Variants in CDKL5 observed in about 807,000 individuals in gnomAD.
CDKL5 encodes the protein cyclin dependent kinase like 5.
Under a neutral mutation model 61.7 loss-of-function variants are expected in CDKL5, and 8 were observed. The ratio of observed to expected loss-of-function variants is 0.13; its 90% CI spans 0.08 to 0.23. The LOEUF (loss-of-function observed/expected upper bound fraction) is 0.23. CDKL5 is among the 10% of genes least tolerant of loss of function. CDKL5 has a pLI of 1.00. For synonymous variants in CDKL5, 275 were observed against 272.3 expected (o/e 1.01, Z -0.10); for missense variants, 440 against 734.5 (o/e 0.60, Z 4.63).
chrX:18,650,216 G>A, intron 20 of CDKL5: 1 of 484,770 alleles, frequency 2.1e-6, no homozygotes. Flanking sequence ...GCCTGGGAGG[G>A]CCTGTCCAGG....
intron 15 of CDKL5, among the ~76,000 whole-genome samples, chrX:18,614,053 C>T (rs1926645006): frequency 9.0e-6 from 1 of 111,535 alleles, no homozygotes; most frequent in South Asian, 3.8e-4. Context: ...AGGTTCTCTA[C>T]CAAGAGCATA....
Position 18,519,256 on chromosome X carries a change from T to G in CDKL5, c.99+8402T>G, listed in dbSNP as rs1366932357. 2.7e-5 allele frequency among the ~76,000 whole-genome samples: 3 copies of G among 112,255 alleles called. No homozygotes were observed. The Admixed American group carries it at 2.8e-4, about 11-fold the overall frequency. ...TTTAAGTATTTTTTGTGCATGCTTT[T>G]GCAATACAATGACGGTTGAGTAGTT... On this transcript the variant is annotated intron_variant, in intron 3 of 17. Coordinates refer to ENST00000623535, the MANE Select transcript of CDKL5 (RefSeq NM_001323289.2).
downstream of CDKL5, chrX:18,641,765 G>A: frequency 5.0e-6 from 2 of 401,615 alleles, no homozygotes; most frequent in South Asian, 3.9e-5. Flanking sequence ...AAGAAAATTC[G>A]TTTCGGGGAC....
chrX:18,632,636 C>A lies in CDKL5; in HGVS notation c.*3879C>A, dbSNP rs1026690445. The A allele has an allele frequency of 4.0e-6, 3 of 752,847 alleles. No homozygotes were observed. The South Asian group carries it at 2.0e-4, about 51-fold the overall frequency. The allele number at this position is 752,847 out of a possible 1,213,427, so 62.0% of individuals were successfully genotyped here. A position where few individuals can be genotyped will look rare whatever the true frequency, so the allele number is the denominator to read the frequency against. ...TTGGTTAAATCTGTTTTAAAACATG[C>A]TTTAAGATTCACCTTACGCAGTTGT... On this transcript the variant is annotated 3_prime_UTR_variant, in exon 18 of 18. Transcript: ENST00000623535.
At chrX:18,651,262 T>TGTGA in intron 21 of CDKL5, among the ~76,000 whole-genome samples, 1 of 77,740 alleles carries the variant, frequency 1.3e-5, no homozygotes, top group South Asian at 6.5e-4. Context: ...TGTGTGTGTG[T>TGTGA]GTGAGAGAGA....
At chrX:18,600,075 G>A (rs1926130984) in intron 11 of CDKL5, among the ~76,000 whole-genome samples, 1 of 112,043 alleles carries the variant, frequency 8.9e-6, no homozygotes, top group Non-Finnish European at 1.9e-5. Flanking sequence ...TGGGACTACA[G>A]GGGTGAGCCA....
intron 1 of CDKL5, among the ~76,000 whole-genome samples, chrX:18,491,304 T>C (rs988666519): frequency 5.4e-5 from 6 of 112,076 alleles, no homozygotes; most frequent in Non-Finnish European, 7.5e-5. Flanking sequence ...TAGAATTAAA[T>C]TGTGGGACTT....
In CDKL5 at chrX:18,634,226, C is replaced by G; in HGVS notation, c.*5469C>G. The G allele has an allele frequency of 1.3e-6, 1 of 752,576 alleles. No individual in the cohort carries two copies. The highest frequency in any genetic ancestry group is 1.6e-6 in the Non-Finnish European group (1 of 637,861). The allele number at this position is 752,576 out of a possible 1,213,427, so 62.0% of individuals were successfully genotyped here. On this transcript the variant is annotated 3_prime_UTR_variant, in exon 18 of 18. Coordinates refer to ENST00000623535, the MANE Select transcript of CDKL5 (RefSeq NM_001323289.2). ...AAAGAGGCCTTATCTGTTCCTCCAT[C>G]CCCCCTGTTTTGACAGACTGCTAAG...
chrX:18,617,535 T>C (rs1330240137), intron 15 of CDKL5, among the ~76,000 whole-genome samples: 1 of 112,353 alleles, frequency 8.9e-6, no homozygotes, highest in Non-Finnish European at 1.9e-5. Flanking sequence ...CATTCCTTTA[T>C]ACAACACAGC....
chrX:18,573,687 G>C (rs1349663228), intron 4 of CDKL5, among the ~76,000 whole-genome samples: 1 of 112,197 alleles, frequency 8.9e-6, no homozygotes, highest in Non-Finnish European at 1.9e-5. Context: ...CCTACTGCTG[G>C]TTCTTGTCTT....
At chrX:18,434,420 C>G (rs143306516) in intron 1 of CDKL5, among the ~76,000 whole-genome samples, 85 of 111,383 alleles carry the variant, frequency 7.6e-4, no homozygotes, top group African/African-American at 2.7e-3. Context: ...ACACACGGCA[C>G]TGGTCTGATA....
chrX:18,441,865 T>G (rs1931753825), intron 1 of CDKL5, among the ~76,000 whole-genome samples: 1 of 110,637 alleles, frequency 9.0e-6, no homozygotes, highest in Non-Finnish European at 1.9e-5. Flanking sequence ...TGCTTGGAGG[T>G]GGGGAGGGGT....
intron 10 of CDKL5, among the ~76,000 whole-genome samples, chrX:18,598,082 G>A (rs1211754075): frequency 9.0e-6 from 1 of 111,540 alleles, no homozygotes; most frequent in Non-Finnish European, 1.9e-5. Context: ...GTATCTGGGG[G>A]ATAAGAGAAA....
intron 1 of CDKL5, among the ~76,000 whole-genome samples, chrX:18,435,987 A>AC (rs1010916205): frequency 8.2e-5 from 9 of 109,760 alleles, no homozygotes; most frequent in Admixed American, 4.9e-4. Flanking sequence ...ATAACTTTTG[A>AC]CCCCCCCAAA....
chrX:18,574,389 T>C (rs1925228635), intron 4 of CDKL5, among the ~76,000 whole-genome samples: 1 of 111,913 alleles, frequency 8.9e-6, no homozygotes, highest in African/African-American at 3.2e-5. Context: ...TTTCAGTTTT[T>C]AGACTGTGTT....
intron 1 of CDKL5, among the ~76,000 whole-genome samples, chrX:18,444,241 A>G (rs1246128340): frequency 2.7e-5 from 3 of 110,162 alleles, no homozygotes; most frequent in Non-Finnish European, 5.7e-5. Flanking sequence ...CCATTTATGG[A>G]ACCATTATTT....
intron 1 of CDKL5, among the ~76,000 whole-genome samples, chrX:18,471,155 T>TA (rs923885084): frequency 6.3e-5 from 7 of 111,559 alleles, no homozygotes; most frequent in African/African-American, 9.8e-5. Flanking sequence ...TCTTTTTTTT[T>TA]ATGTGTGGTT....
chrX:18,520,618 A>G (rs1191850778), intron 3 of CDKL5, among the ~76,000 whole-genome samples: 1 of 112,131 alleles, frequency 8.9e-6, no homozygotes, highest in Non-Finnish European at 1.9e-5. Context: ...TAGAGTGGAA[A>G]TGCCATGTTT....
chrX:18,478,891 T>C (rs1273656528), intron 1 of CDKL5, among the ~76,000 whole-genome samples: 1 of 108,636 alleles, frequency 9.2e-6, no homozygotes, highest in Admixed American at 9.9e-5. Flanking sequence ...AATTTTTGTA[T>C]TTTTAGTAGA....
Sources: gnomAD v4.1 joint callset for allele counts (sites outside exome capture counted in the v4.1 genomes callset) on GRCh38, gnomAD v4.1.1 for gene constraint, MANE v1.5 for transcripts, NCBI Gene and HGNC (gene_info 2026-07-23, HGNC 2026-07-21) for gene names.